The following CABCOCO1 variants were observed in gnomAD, a reference collection of about 807,000 sequenced individuals.
CABCOCO1 encodes ciliary associated calcium binding coiled-coil 1.
Under a neutral mutation model 35.7 loss-of-function variants are expected in CABCOCO1, and 28 were observed. The ratio of observed to expected loss-of-function variants is 0.78; its 90% CI spans 0.58 to 1.07. CABCOCO1 has a LOEUF of 1.07. Among genes scored for constraint, CABCOCO1 ranks in the 50% least tolerant of loss-of-function variants. The pLI, the probability that CABCOCO1 is intolerant of heterozygous loss-of-function variation, is 0.00. For synonymous variants in CABCOCO1, 95 were observed against 100.1 expected (o/e 0.95, Z 0.30); for missense variants, 326 against 309.2 (o/e 1.05, Z -0.41).
At chr10:61,675,143 A>G (rs1839472798) in intron 2 of CABCOCO1, among the ~76,000 whole-genome samples, 2 of 152,174 alleles carry the variant, frequency 1.3e-5, no homozygotes, top group South Asian at 4.1e-4. Flanking sequence ...ACTATACCAA[A>G]CTTCCTAAAA....
intron 5 of CABCOCO1, among the ~76,000 whole-genome samples, chr10:61,759,310 CAACT>C (rs1564558331): frequency 6.6e-6 from 1 of 152,046 alleles, no homozygotes; most frequent in East Asian, 1.9e-4. Flanking sequence ...GGAATTAGAA[CAACT>C]AATTAAATGA....
At chr10:61,761,104 G>A (rs1035383826) in intron 7 of CABCOCO1, 101 bp downstream of exon 7, 50 of 1,251,112 alleles carry the variant, frequency 4.0e-5, no homozygotes, top group East Asian at 3.7e-4. Flanking sequence ...CAGCATGAGC[G>A]ATGCTTATGA....
At chr10:61,705,458 T>C (rs1404694934) in intron 5 of CABCOCO1, among the ~76,000 whole-genome samples, 2 of 152,198 alleles carry the variant, frequency 1.3e-5, no homozygotes, top group East Asian at 3.8e-4. Context: ...TAAGTTCCTG[T>C]ACACATATTA....
At chr10:61,696,835 T>C (rs142992735) in intron 5 of CABCOCO1, among the ~76,000 whole-genome samples, 2 of 152,032 alleles carry the variant, frequency 1.3e-5, no homozygotes, top group Admixed American at 1.3e-4. Context: ...AATAGTTTCT[T>C]TGATAAAATA....
chr10:61,703,844 C>T (rs749482344), intron 5 of CABCOCO1, among the ~76,000 whole-genome samples: 30 of 152,244 alleles, frequency 2.0e-4, no homozygotes, highest in South Asian at 2.1e-4. Context: ...TCTTTAAAAG[C>T]TCAGCCCAAA....
intron 5 of CABCOCO1, among the ~76,000 whole-genome samples, chr10:61,744,545 T>C (rs1191169454): frequency 1.3e-5 from 2 of 152,168 alleles, no homozygotes; most frequent in African/African-American, 2.4e-5. Context: ...TTTGACCTAA[T>C]ATATCATTAA....
At chr10:61,765,211 A>C (rs938267940) in intron 7 of CABCOCO1, among the ~76,000 whole-genome samples, 7 of 152,128 alleles carry the variant, frequency 4.6e-5, no homozygotes, top group Non-Finnish European at 1.0e-4. Flanking sequence ...TCTGTATGTA[A>C]TTTTATTATC....
At chr10:61,680,410 T>C (rs1839684629) in intron 2 of CABCOCO1, among the ~76,000 whole-genome samples, 1 of 132,038 alleles carries the variant, frequency 7.6e-6, no homozygotes, top group African/African-American at 2.8e-5. Context: ...ATATATAACA[T>C]ATATAATATA....
chr10:61,736,801 T>C (rs1376771065), intron 5 of CABCOCO1, among the ~76,000 whole-genome samples: 1 of 152,232 alleles, frequency 6.6e-6, no homozygotes, highest in Non-Finnish European at 1.5e-5. Context: ...TTTATTTGTG[T>C]CTTCTCTGAT....
At chr10:61,687,146 G>T (rs563984291) in intron 4 of CABCOCO1, among the ~76,000 whole-genome samples, 1 of 152,218 alleles carries the variant, frequency 6.6e-6, no homozygotes, top group South Asian at 2.1e-4. Context: ...ATTGGTTTGT[G>T]GTATGAATTA....
In CABCOCO1 at chr10:61,681,229, T is replaced by C; in HGVS notation, c.251T>C (p.Leu84Ser). 1 of 1,564,402 alleles carries C rather than the reference T, an allele frequency of 6.4e-7. No individual in the cohort carries two copies. Among genetic ancestry groups the C allele is most frequent in the South Asian group, 1.2e-5 (1 of 85,120 alleles). Residue 84 changes from leucine to serine, a missense_variant, in exon 3 of 8, where the codon TTG becomes TCG. Transcript: ENST00000648843. ...CTAGATTATTATGTATCTGGATTTT[T>C]GTGGGCTAGAGGAATGGATTTCTCT... ...ILLDYYVSGF[L>S]WARGMDFSII... is the part of the protein sequence containing the mutation.
intron 5 of CABCOCO1, among the ~76,000 whole-genome samples, chr10:61,691,739 C>T (rs752625759): frequency 7.9e-5 from 12 of 152,064 alleles, no homozygotes; most frequent in African/African-American, 2.9e-4. Context: ...TGAGAACATG[C>T]GGTGTTCGGT....
chr10:61,760,033 TA>T, intron 5 of CABCOCO1, 25 bp from the exon 6 acceptor site: 1 of 1,611,914 alleles, frequency 6.2e-7, no homozygotes, highest in Non-Finnish European at 8.5e-7. Flanking sequence ...GGCTCTGTCA[TA>T]ATTCAACTTT....
Position 61,756,286 on chromosome 10 carries a change from AACTT to A in CABCOCO1, c.553-3771_553-3768del, listed in dbSNP as rs143500896. On this transcript the variant is annotated intron_variant, in intron 5 of 7. Coordinates refer to ENST00000648843, the MANE Select transcript of CABCOCO1 (RefSeq NM_001366906.2). ...TGTGCACGTAATGAACAATATAACTAACTTAATTTTCATGTAACAGATAACATCT... is the reference window on the plus strand; with the variant it reads ...TGTGCACGTAATGAACAATATAACTAAATTTTCATGTAACAGATAACATCT... Among the ~76,000 whole-genome samples the A allele has an allele frequency of 2.6e-5, 4 of 152,174 alleles. No homozygotes were observed. The East Asian group carries it at 7.7e-4, about 29-fold the overall frequency.
At chr10:61,680,847 A>ATATTTTAT (rs2131976329) in intron 2 of CABCOCO1, among the ~76,000 whole-genome samples, 1 of 150,396 alleles carries the variant, frequency 6.6e-6, no homozygotes, top group East Asian at 2.0e-4. Flanking sequence ...AAAATATACT[A>ATATTTTAT]GTAAAATTGC....
intron 1 of CABCOCO1, among the ~76,000 whole-genome samples, chr10:61,667,140 GTA>G (rs1839209392): frequency 7.1e-6 from 1 of 141,176 alleles, no homozygotes; most frequent in African/African-American, 2.6e-5. Flanking sequence ...CATTTCATAT[GTA>G]TATATAAATA....
intron 5 of CABCOCO1, among the ~76,000 whole-genome samples, chr10:61,723,172 C>A (rs1167496047): frequency 6.6e-6 from 1 of 152,124 alleles, no homozygotes; most frequent in Non-Finnish European, 1.5e-5. Flanking sequence ...TGCAGGACAG[C>A]AAGGATGGCT....
At chr10:61,664,961 G>A (rs1045589545) in intron 1 of CABCOCO1, among the ~76,000 whole-genome samples, 1 of 152,108 alleles carries the variant, frequency 6.6e-6, no homozygotes, top group South Asian at 2.1e-4. Flanking sequence ...ACAGCTAATC[G>A]CTTATGGTGT....
chr10:61,755,512 A>T (rs1432637897), intron 5 of CABCOCO1, among the ~76,000 whole-genome samples: 1 of 152,082 alleles, frequency 6.6e-6, no homozygotes, highest in Non-Finnish European at 1.5e-5. Context: ...ATCATCTGAC[A>T]ATTCCAAACA....
Sources: allele counts gnomAD v4.1 joint callset (sites outside exome capture counted in the v4.1 genomes callset), GRCh38; gene constraint gnomAD v4.1.1; transcripts MANE v1.5; gene names NCBI Gene and HGNC (gene_info 2026-07-23, HGNC 2026-07-21).